Variants in FRMPD4 observed in about 807,000 individuals in gnomAD.
The protein encoded by FRMPD4 is FERM and PDZ domain-containing protein 4.
In FRMPD4, 22 loss-of-function variants were observed where a neutral mutation model predicts 94.1. That is an observed-to-expected ratio of 0.23 (90% CI 0.17 to 0.33). The LOEUF (loss-of-function observed/expected upper bound fraction) is 0.33, where lower values mean the gene tolerates loss of function less well. FRMPD4 is among the 10% of genes least tolerant of loss of function. The pLI is 1.00. For synonymous variants in FRMPD4, 631 were observed against 548.6 expected (o/e 1.15, Z -2.10); for missense variants, 1,111 against 1,339.9 (o/e 0.83, Z 2.67).
At chrX:12,657,550 T>C (rs758873780) in intron 4 of FRMPD4, among the ~76,000 whole-genome samples, 50 of 111,642 alleles carry the variant, frequency 4.5e-4, no homozygotes, top group Admixed American at 1.0e-3. Context: ...TTCTGCCATA[T>C]TTCGTTTATT....
chrX:12,293,368 A>G (rs768836030), intron 1 of FRMPD4, among the ~76,000 whole-genome samples: 3 of 112,633 alleles, frequency 2.7e-5, no homozygotes, highest in Non-Finnish European at 5.6e-5. Context: ...AAATTGTTCT[A>G]TTCTTTGAAA....
chrX:12,313,583 A>G (rs1712668748), intron 1 of FRMPD4, among the ~76,000 whole-genome samples: 1 of 112,539 alleles, frequency 8.9e-6, no homozygotes, highest in Admixed American at 9.4e-5. Context: ...CAAAACTTTG[A>G]ATTTTGAGAG....
intron 2 of FRMPD4, among the ~76,000 whole-genome samples, chrX:12,502,604 A>G (rs1404021840): frequency 1.8e-5 from 2 of 112,121 alleles, no homozygotes; most frequent in Non-Finnish European, 3.8e-5. Context: ...AGATGTAGGT[A>G]TAGATGGAGA....
chrX:12,207,896 C>T (rs951485225), intron 1 of FRMPD4, among the ~76,000 whole-genome samples: 4 of 111,794 alleles, frequency 3.6e-5, no homozygotes, highest in African/African-American at 1.3e-4. Flanking sequence ...GTGATACCAG[C>T]TTCCTGGTTC....
chrX:12,659,766 C>A (rs1183850863), intron 4 of FRMPD4, among the ~76,000 whole-genome samples: 1 of 112,216 alleles, frequency 8.9e-6, no homozygotes, highest in Non-Finnish European at 1.9e-5. Flanking sequence ...AAAGCTGCTG[C>A]CTTTTATACA....
At chrX:12,029,792 C>T (rs1351527937) in intron 3 of FRMPD4, among the ~76,000 whole-genome samples, 1 of 111,589 alleles carries the variant, frequency 9.0e-6, no homozygotes, top group Non-Finnish European at 1.9e-5. Context: ...ATTATATCTA[C>T]AAAAATGCCT....
chrX:12,644,994 A>G (rs775260617), intron 4 of FRMPD4, among the ~76,000 whole-genome samples: 2 of 111,666 alleles, frequency 1.8e-5, no homozygotes, highest in African/African-American at 6.5e-5. Flanking sequence ...GATATGCTTA[A>G]AAACATATTT....
At chrX:12,438,168 G>T (rs755102482) in intron 1 of FRMPD4, among the ~76,000 whole-genome samples, 15 of 110,877 alleles carry the variant, frequency 1.4e-4, no homozygotes, top group South Asian at 3.8e-4. Context: ...AGGTTTTCAG[G>T]TGACGTTATA....
At chrX:12,454,204 AAATC>A (rs1296651531) in intron 1 of FRMPD4, among the ~76,000 whole-genome samples, 2 of 112,387 alleles carry the variant, frequency 1.8e-5, no homozygotes, top group Middle Eastern at 4.6e-3. Flanking sequence ...TTCCAGACAT[AAATC>A]AATCAATGAG....
At chrX:11,845,742 T>A (rs1388174909) in intron 1 of FRMPD4, among the ~76,000 whole-genome samples, 1 of 110,526 alleles carries the variant, frequency 9.0e-6, no homozygotes, top group Admixed American at 9.7e-5. Flanking sequence ...AATCAATAAA[T>A]GTAATCCAGC....
chrX:11,864,501 T>C lies in FRMPD4; in HGVS notation c.-160-585T>C, dbSNP rs1198184040. On this transcript the variant is annotated intron_variant, in intron 1 of 18. Coordinates refer to the FRMPD4 transcript ENST00000640291. ...CATGCACAATTGTACAGTAGGAGCT[T>C]TTGATATCCTTTGGGAAAAGTGTAT... Among the ~76,000 whole-genome samples the C allele has an allele frequency of 8.1e-5, 9 of 111,321 alleles. No individual in the cohort carries two copies. The Admixed American group carries it at 8.6e-4, about 11-fold the overall frequency.
At chrX:11,873,651 G>C (rs1190468880) in intron 2 of FRMPD4, among the ~76,000 whole-genome samples, 4 of 108,148 alleles carry the variant, frequency 3.7e-5, no homozygotes, top group Non-Finnish European at 7.6e-5. Context: ...TTAAATGTCA[G>C]TTGTCCCTAA....
At chrX:12,572,850 G>A (rs111386062) in intron 2 of FRMPD4, among the ~76,000 whole-genome samples, 8 of 112,057 alleles carry the variant, frequency 7.1e-5, no homozygotes, top group African/African-American at 2.6e-4. Context: ...GGGCTTCTCT[G>A]GGGAGGTGGC....
intron 2 of FRMPD4, among the ~76,000 whole-genome samples, chrX:12,598,232 G>A (rs1218659805): frequency 9.0e-6 from 1 of 110,561 alleles, no homozygotes; most frequent in Non-Finnish European, 1.9e-5. Context: ...GGGCAGGTTT[G>A]TTTCACGGCA....
chrX:12,108,605 T>C (rs1264011727), intron 3 of FRMPD4, among the ~76,000 whole-genome samples: 6 of 111,666 alleles, frequency 5.4e-5, no homozygotes, highest in Non-Finnish European at 9.4e-5. Context: ...GGCTAAATGC[T>C]CCAATTAAAA....
At chrX:11,878,060 T>C (rs187936072) in intron 3 of FRMPD4, among the ~76,000 whole-genome samples, 1 of 112,061 alleles carries the variant, frequency 8.9e-6, no homozygotes, top group Non-Finnish European at 1.9e-5. Flanking sequence ...GGGGTCTTAT[T>C]GTTGCTTTCT....
At chrX:12,642,274 A>G (rs1017638216) in intron 4 of FRMPD4, among the ~76,000 whole-genome samples, 7 of 111,729 alleles carry the variant, frequency 6.3e-5, no homozygotes, top group African/African-American at 1.6e-4. Context: ...AGAACAGGAC[A>G]CTGTAAAGCA....
intron 10 of FRMPD4, among the ~76,000 whole-genome samples, chrX:12,703,770 C>T (rs778180467): frequency 4.5e-5 from 5 of 111,940 alleles, no homozygotes; most frequent in Admixed American, 9.5e-5. Flanking sequence ...CAATACTGGG[C>T]ACACTTAAGA....
intron 4 of FRMPD4, among the ~76,000 whole-genome samples, chrX:12,654,085 T>G (rs1310690511): frequency 2.7e-5 from 3 of 112,276 alleles, no homozygotes; most frequent in Non-Finnish European, 5.6e-5. Flanking sequence ...ACCATTAATT[T>G]AATCCAAGCT....
Sources: gnomAD v4.1 joint callset for allele counts (sites outside exome capture counted in the v4.1 genomes callset) on GRCh38, gnomAD v4.1.1 for gene constraint, MANE v1.5 for transcripts, NCBI Gene and HGNC (gene_info 2026-07-23, HGNC 2026-07-21) for gene names.